FOXP2: variants seen among roughly 807,000 people sequenced by gnomAD.
FOXP2 encodes forkhead box P2, also known as forkhead box protein P2.
In FOXP2, 12 loss-of-function variants were observed where a neutral mutation model predicts 115.8. The ratio of observed to expected loss-of-function variants is 0.10; its 90% confidence interval spans 0.07 to 0.17. The LOEUF is 0.17. Among genes scored for constraint, FOXP2 ranks in the 10% least tolerant of loss-of-function variants. FOXP2 has a pLI of 1.00. For synonymous variants in FOXP2, 328 were observed against 297.7 expected (o/e 1.10, Z -1.05); for missense variants, 629 against 843.5 (o/e 0.75, Z 3.15).
chr7:114,092,119 CAGTGGTTTA>C (rs1261491190), intron 1 of FOXP2, among the ~76,000 whole-genome samples: 1 of 151,936 alleles, frequency 6.6e-6, no homozygotes, highest in East Asian at 1.9e-4. Flanking sequence ...AATGAATTCC[CAGTGGTTTA>C]AGAGATCTCA....
At position 114,274,602 on chromosome 7, in the gene FOXP2, G is replaced by GC. The variant is rs1364126999; in HGVS notation, c.-101-13416dup. On this transcript the variant is annotated intron_variant, in intron 1 of 17. Coordinates refer to the FOXP2 transcript ENST00000634411. Reference sequence around the variant, plus strand: ...CTGGATTGGTTTTTTCCCTCTCAAAGCTTTTTTTTTTTTTTTTTTTTTTTT... The same window carrying GC: ...CTGGATTGGTTTTTTCCCTCTCAAAGCCTTTTTTTTTTTTTTTTTTTTTTTT... Among the ~76,000 whole-genome samples the GC allele has an allele frequency of 2.3e-3, 134 of 58,054 alleles. 1 individual carries two copies. Among genetic ancestry groups the GC allele is most frequent in the African/African-American group, 6.2e-3 (127 of 20,588 alleles). The allele number at this position is 58,054 out of a possible 152,430, so 38.1% of individuals were successfully genotyped here.
intron 2 of FOXP2, among the ~76,000 whole-genome samples, chr7:114,357,757 AT>A (rs926570284): frequency 4.0e-5 from 6 of 151,464 alleles, no homozygotes; most frequent in African/African-American, 1.2e-4. Context: ...GCCTACTTTG[AT>A]TTTTTTTTCA....
chr7:114,639,937 C>A (rs1182009741), intron 6 of FOXP2, among the ~76,000 whole-genome samples: 1 of 152,098 alleles, frequency 6.6e-6, no homozygotes, highest in African/African-American at 2.4e-5. Flanking sequence ...AGCGACATGA[C>A]CTAATTTACA....
At chr7:114,373,245 C>T (rs1482828060) in intron 2 of FOXP2, among the ~76,000 whole-genome samples, 4 of 152,184 alleles carry the variant, frequency 2.6e-5, no homozygotes, top group African/African-American at 7.2e-5. Flanking sequence ...TGGTCTCGAT[C>T]TCCTGACCTC....
At chr7:114,116,613 T>C (rs1466431688) in intron 1 of FOXP2, among the ~76,000 whole-genome samples, 3 of 150,996 alleles carry the variant, frequency 2.0e-5, no homozygotes, top group Non-Finnish European at 4.4e-5. Context: ...GGGATAAGAG[T>C]CAAAAATTAA....
chr7:114,324,706 C>A (rs1562871228), intron 2 of FOXP2, among the ~76,000 whole-genome samples: 1 of 151,796 alleles, frequency 6.6e-6, no homozygotes, highest in Non-Finnish European at 1.5e-5. Context: ...ATTATATCAT[C>A]ATTTTACCTT....
chr7:114,482,149 G>A (rs1796586166), intron 2 of FOXP2, among the ~76,000 whole-genome samples: 1 of 151,302 alleles, frequency 6.6e-6, no homozygotes, highest in African/African-American at 2.4e-5. Flanking sequence ...TTTCCTACTT[G>A]TTGTGCTACT....
chr7:114,119,240 T>G (rs1282363070), intron 1 of FOXP2, among the ~76,000 whole-genome samples: 2 of 152,098 alleles, frequency 1.3e-5, no homozygotes, highest in Non-Finnish European at 2.9e-5. Flanking sequence ...AGTGACAAAA[T>G]ACTTGCTGTA....
intron 2 of FOXP2, among the ~76,000 whole-genome samples, chr7:114,476,981 T>C (rs1796302444): frequency 6.6e-6 from 1 of 151,942 alleles, no homozygotes; most frequent in Non-Finnish European, 1.5e-5. Context: ...AGAATGGCAA[T>C]TATCAAAAAG....
intron 2 of FOXP2, among the ~76,000 whole-genome samples, chr7:114,353,558 T>G (rs1023931920): frequency 6.6e-6 from 1 of 152,078 alleles, no homozygotes; most frequent in Admixed American, 6.6e-5. Flanking sequence ...TGAAACAACA[T>G]TCAATCCACT....
chr7:114,151,896 G>A (rs1792538283), intron 1 of FOXP2, among the ~76,000 whole-genome samples: 1 of 151,918 alleles, frequency 6.6e-6, no homozygotes, highest in African/African-American at 2.4e-5. Flanking sequence ...AGTGTGGAAG[G>A]GAAAAAGTAG....
intron 2 of FOXP2, among the ~76,000 whole-genome samples, chr7:114,357,714 T>TTA (rs1192847173): frequency 3.3e-5 from 5 of 152,176 alleles, no homozygotes; most frequent in Admixed American, 3.3e-4. Flanking sequence ...GTCAAATACT[T>TTA]TAACTCCATA....
At chr7:114,449,435 A>G (rs1794973251) in intron 2 of FOXP2, among the ~76,000 whole-genome samples, 2 of 152,118 alleles carry the variant, frequency 1.3e-5, no homozygotes, top group African/African-American at 4.8e-5. Context: ...GCACACTTGT[A>G]CATATCCCAC....
rs778550011 is a variant in FOXP2 at position 114,555,854 on chromosome 7, CA to C, written c.258+21149del. The stretch of plus-strand genomic sequence containing the variant: ...AGAGAAAAGGAAGGGATGAAAGTTA[CA>C]TGGCTCCACCATGGAGGGGATCTCC... On this transcript the variant is annotated intron_variant, in intron 3 of 16. Transcript: ENST00000350908. Among the ~76,000 whole-genome samples, 108 of 152,164 alleles carry C rather than the reference CA, an allele frequency of 7.1e-4. No homozygotes were observed. In the Middle Eastern group the frequency reaches 0.017, roughly 24 times the overall value.
At chr7:114,311,453 G>A (rs1797145161) in intron 2 of FOXP2, among the ~76,000 whole-genome samples, 1 of 152,176 alleles carries the variant, frequency 6.6e-6, no homozygotes, top group African/African-American at 2.4e-5. Flanking sequence ...AAGAGAGACA[G>A]GGGCAGGGTT....
At chr7:114,319,993 A>G (rs557335128) in intron 2 of FOXP2, among the ~76,000 whole-genome samples, 1 of 152,286 alleles carries the variant, frequency 6.6e-6, no homozygotes, top group Admixed American at 6.5e-5. Flanking sequence ...TCCATCACTG[A>G]TGCGGATTTC....
At chr7:114,120,554 G>A (rs964646691) in intron 1 of FOXP2, among the ~76,000 whole-genome samples, 3 of 151,952 alleles carry the variant, frequency 2.0e-5, no homozygotes, top group East Asian at 1.9e-4. Context: ...ACTAGAAAGC[G>A]GTGGTGAGAG....
upstream of FOXP2, chr7:114,086,481 C>T (rs1028765375): frequency 1.2e-5 from 4 of 347,112 alleles, no homozygotes; most frequent in South Asian, 2.1e-5. Context: ...GGCCCCCCCC[C>T]TCCCCGGGCG....
chr7:114,423,255 A>G (rs1423089915), intron 1 of FOXP2, among the ~76,000 whole-genome samples: 1 of 151,708 alleles, frequency 6.6e-6, no homozygotes, highest in Non-Finnish European at 1.5e-5. Flanking sequence ...TAACCTTTCA[A>G]TTCAAGTTGT....
Sources: allele counts gnomAD v4.1 joint callset (sites outside exome capture counted in the v4.1 genomes callset), GRCh38; gene constraint gnomAD v4.1.1; transcripts MANE v1.5; gene names NCBI Gene and HGNC (gene_info 2026-07-23, HGNC 2026-07-21).